The following GUCY1A2 variants were observed in gnomAD, a reference collection of about 807,000 sequenced individuals.
GUCY1A2 encodes guanylate cyclase 1 soluble subunit alpha 2, also known as guanylate cyclase soluble subunit alpha-2.
GUCY1A2 carries 27 observed loss-of-function variants against 63.5 expected under a neutral mutation model. The ratio of observed to expected loss-of-function variants is 0.43; its 90% confidence interval spans 0.31 to 0.59. The LOEUF (loss-of-function observed/expected upper bound fraction) is 0.59. Ranked by LOEUF, GUCY1A2 falls within the 20% of genes least tolerant of loss-of-function variation. The pLI is 0.11. For synonymous variants in GUCY1A2, 364 were observed against 343.5 expected (o/e 1.06, Z -0.66); for missense variants, 768 against 913.3 (o/e 0.84, Z 2.05).
intron 1 of GUCY1A2, among the ~76,000 whole-genome samples, chr11:107,002,879 A>C (rs1861627956): frequency 6.6e-6 from 1 of 152,222 alleles, no homozygotes; most frequent in South Asian, 2.1e-4. Flanking sequence ...TTAGGTATGA[A>C]TAAAACCAAA....
At chr11:106,832,203 T>C (rs1466155002) in intron 4 of GUCY1A2, among the ~76,000 whole-genome samples, 1 of 152,120 alleles carries the variant, frequency 6.6e-6, no homozygotes, top group Admixed American at 6.5e-5. Context: ...TATGTGTAGT[T>C]TGCATTCCAG....
chr11:106,798,913 A>C (rs1411157208), intron 5 of GUCY1A2, among the ~76,000 whole-genome samples: 2 of 152,200 alleles, frequency 1.3e-5, no homozygotes, highest in Non-Finnish European at 2.9e-5. Context: ...AGTTCTGGCC[A>C]GGGCAATCAG....
intron 4 of GUCY1A2, among the ~76,000 whole-genome samples, chr11:106,924,563 A>T (rs904036278): frequency 6.6e-6 from 1 of 152,184 alleles, no homozygotes; most frequent in South Asian, 2.1e-4. Flanking sequence ...ATAACCTTAG[A>T]AAAGTTTTCT....
At position 106,695,390 on chromosome 11, in the gene GUCY1A2, T is replaced by C. The variant is rs530790042; in HGVS notation, c.1992-7634A>G. On this transcript the variant is annotated intron_variant, in intron 7 of 7. Transcript: ENST00000526355. ...TTTCTGTTGTTACAAATTATTCATC[T>C]GAATATCTTTTTTTGCTAAGGAATG... 5.9e-5 allele frequency among the ~76,000 whole-genome samples: 9 copies of C among 152,342 alleles called. 1 individual carries two copies. The highest frequency in any genetic ancestry group is 5.2e-4 in the Admixed American group (8 of 15,304).
intron 4 of GUCY1A2, among the ~76,000 whole-genome samples, chr11:106,834,745 A>G (rs1859095193): frequency 1.3e-5 from 2 of 152,084 alleles, no homozygotes; most frequent in African/African-American, 4.8e-5. Flanking sequence ...AAGCTTAACT[A>G]TGAGCTGAAA....
intron 4 of GUCY1A2, among the ~76,000 whole-genome samples, chr11:106,832,275 A>C (rs1286959380): frequency 1.3e-5 from 2 of 152,152 alleles, no homozygotes; most frequent in African/African-American, 4.8e-5. Flanking sequence ...CTTAAATCTC[A>C]GTGTTCACAA....
At chr11:106,775,946 T>C (rs1864349886) in intron 6 of GUCY1A2, among the ~76,000 whole-genome samples, 1 of 152,116 alleles carries the variant, frequency 6.6e-6, no homozygotes, top group Non-Finnish European at 1.5e-5. Context: ...CTTTCCACTG[T>C]TTTTAAAGTT....
intron 6 of GUCY1A2, among the ~76,000 whole-genome samples, chr11:106,724,637 T>C (rs1263492687): frequency 1.3e-5 from 2 of 152,222 alleles, no homozygotes; most frequent in Non-Finnish European, 2.9e-5. Flanking sequence ...TTAAGCCTAT[T>C]TGAAAAATCA....
chr11:106,709,464 A>T (rs1384609192), intron 6 of GUCY1A2, among the ~76,000 whole-genome samples: 2 of 90,856 alleles, frequency 2.2e-5, no homozygotes, highest in African/African-American at 9.6e-5. Context: ...ATATTTATAG[A>T]ATAATATATA....
At chr11:106,698,067 T>C (rs529040158) in intron 7 of GUCY1A2, among the ~76,000 whole-genome samples, 43 of 151,362 alleles carry the variant, frequency 2.8e-4, no homozygotes, top group African/African-American at 9.7e-4. Flanking sequence ...ATATATAAGA[T>C]CCTCTGTTAT....
chr11:106,687,810 C>T (rs1161895009), intron 7 of GUCY1A2, 54 bp from the exon 8 acceptor site: 12 of 1,210,226 alleles, frequency 9.9e-6, no homozygotes, highest in Non-Finnish European at 1.1e-5. Context: ...AATGTAAATA[C>T]ATGGACAGAA....
At chr11:106,810,541 A>G in intron 4 of GUCY1A2, 63 bp from the exon 5 acceptor site, 1 of 1,322,716 alleles carries the variant, frequency 7.6e-7, no homozygotes, top group Non-Finnish European at 1.0e-6. Context: ...AAAATTTAAT[A>G]TATTATCTGA....
intron 4 of GUCY1A2, among the ~76,000 whole-genome samples, chr11:106,831,668 C>T (rs192175615): frequency 6.7e-4 from 102 of 152,326 alleles, no homozygotes; most frequent in African/African-American, 2.4e-3. Context: ...GGTAAAATCA[C>T]AAGATAGGAG....
At chr11:107,012,704 G>C (rs1861764998) in intron 1 of GUCY1A2, among the ~76,000 whole-genome samples, 1 of 152,110 alleles carries the variant, frequency 6.6e-6, no homozygotes, top group African/African-American at 2.4e-5. Flanking sequence ...ATTAAATTCT[G>C]ATTTCAGATT....
chr11:106,951,857 T>G (rs1860913761), intron 3 of GUCY1A2, among the ~76,000 whole-genome samples: 1 of 152,208 alleles, frequency 6.6e-6, no homozygotes, highest in African/African-American at 2.4e-5. Context: ...TTCCAGAGTT[T>G]TTATGGTTTG....
chr11:106,826,377 G>A lies in GUCY1A2; in HGVS notation c.1207-15899C>T, dbSNP rs1030586532. 4.6e-6 allele frequency: 7 copies of A among 1,530,036 alleles called. No homozygotes were observed. In the Admixed American group the frequency reaches 7.3e-5, roughly 16 times the overall value. The allele number at this position is 1,530,036 out of a possible 1,614,324, so 94.8% of individuals were successfully genotyped here. ...TCATTTGGAACTTTATATGATTCTT[G>A]AAGAAATTCCATTTTTAGTCAAAAT... is the stretch of plus-strand genomic sequence containing the variant. On this transcript the variant is annotated intron_variant, in intron 4 of 7. Transcript: ENST00000526355.
At chr11:106,696,999 G>T (rs942117427) in intron 7 of GUCY1A2, among the ~76,000 whole-genome samples, 2 of 152,086 alleles carry the variant, frequency 1.3e-5, no homozygotes, top group African/African-American at 2.4e-5. Context: ...GAAAAAGAAA[G>T]ATTTTACTCT....
At chr11:107,003,959 A>G (rs1461291360) in intron 1 of GUCY1A2, among the ~76,000 whole-genome samples, 1 of 152,212 alleles carries the variant, frequency 6.6e-6, no homozygotes, top group African/African-American at 2.4e-5. Flanking sequence ...GACCCTACAT[A>G]GAGCTCTGAT....
At chr11:106,875,278 A>G (rs746704151) in intron 4 of GUCY1A2, among the ~76,000 whole-genome samples, 93 of 152,110 alleles carry the variant, frequency 6.1e-4, no homozygotes, top group Admixed American at 1.1e-3. Context: ...ACTCAACACC[A>G]TGACAAACAT....
Sources: gnomAD v4.1 joint callset for allele counts (sites outside exome capture counted in the v4.1 genomes callset) on GRCh38, gnomAD v4.1.1 for gene constraint, MANE v1.5 for transcripts, NCBI Gene and HGNC (gene_info 2026-07-23, HGNC 2026-07-21) for gene names.